The following PLCB4 variants were observed in gnomAD, a reference collection of about 807,000 sequenced individuals.
The protein encoded by PLCB4 is 1-phosphatidylinositol 4,5-bisphosphate phosphodiesterase beta-4.
A neutral mutation model predicts 178.8 loss-of-function variants in PLCB4; 77 were observed. That is an observed-to-expected ratio of 0.43 (90% CI 0.36 to 0.52). The LOEUF (loss-of-function observed/expected upper bound fraction) is 0.52, where lower values mean the gene tolerates loss of function less well. Among genes scored for constraint, PLCB4 ranks in the 20% least tolerant of loss-of-function variants. PLCB4 has a pLI of 0.00. For missense variants in PLCB4, 1,024 were observed against 1,453.4 expected, an observed-to-expected ratio of 0.70 and a Z score of 4.80; for synonymous variants, 496 against 490.8, an observed-to-expected ratio of 1.01 and a Z score of -0.14.
intron 22 of PLCB4, 86 bp from the exon 23 acceptor site, chr20:9,408,547 G>C: frequency 1.5e-6 from 1 of 671,778 alleles, no homozygotes; most frequent in Non-Finnish European, 2.8e-6. Flanking sequence ...TCATGATTCA[G>C]GGTGTAATTG....
chr20:9,169,705 C>T (rs1600863156), intron 2 of PLCB4, among the ~76,000 whole-genome samples: 1 of 152,106 alleles, frequency 6.6e-6, no homozygotes, highest in South Asian at 2.1e-4. Context: ...GTGTGATACT[C>T]CAAATTCTTC....
intron 2 of PLCB4, among the ~76,000 whole-genome samples, chr20:9,162,143 A>G (rs2092899077): frequency 6.6e-6 from 1 of 152,328 alleles, no homozygotes; most frequent in Middle Eastern, 3.4e-3. Context: ...GTTTATTAGA[A>G]TGTCATACCC....
At chr20:9,300,835 GC>G (rs1389466317) in intron 3 of PLCB4, among the ~76,000 whole-genome samples, 4 of 152,022 alleles carry the variant, frequency 2.6e-5, no homozygotes, top group African/African-American at 7.2e-5. Context: ...GCTTCAGGGG[GC>G]CCAATATATG....
intron 25 of PLCB4, 52 bp downstream of exon 25, chr20:9,411,140 C>A: frequency 1.7e-6 from 2 of 1,205,270 alleles, no homozygotes; most frequent in Non-Finnish European, 2.5e-6. Context: ...CTCCATACTA[C>A]AGCTCTAATG....
At chr20:9,450,585 C>T (rs1287070224) in intron 32 of PLCB4, among the ~76,000 whole-genome samples, 2 of 151,540 alleles carry the variant, frequency 1.3e-5, no homozygotes, top group African/African-American at 2.4e-5. Context: ...GTTTAGTAAC[C>T]TTGCATCTCA....
At chr20:9,119,608 T>C (rs753960278) in intron 2 of PLCB4, among the ~76,000 whole-genome samples, 1 of 152,108 alleles carries the variant, frequency 6.6e-6, no homozygotes, top group Admixed American at 6.5e-5. Flanking sequence ...AATCATTTGA[T>C]CAACATCTAT....
At chr20:9,170,143 C>T (rs1443040102) in intron 2 of PLCB4, among the ~76,000 whole-genome samples, 1 of 152,118 alleles carries the variant, frequency 6.6e-6, no homozygotes, top group Admixed American at 6.5e-5. Flanking sequence ...CCAACCTTTA[C>T]GTTCTTTTTT....
intron 2 of PLCB4, among the ~76,000 whole-genome samples, chr20:9,151,303 G>GT (rs1346829104): frequency 6.6e-6 from 1 of 152,098 alleles, no homozygotes; most frequent in Non-Finnish European, 1.5e-5. Flanking sequence ...GTGAGTTTTG[G>GT]TACCTGTGGG....
At chr20:9,096,912 A>G (rs768239072) in intron 2 of PLCB4, among the ~76,000 whole-genome samples, 3 of 151,838 alleles carry the variant, frequency 2.0e-5, no homozygotes, top group Admixed American at 6.6e-5. Flanking sequence ...AACTCATACT[A>G]GCTTAGGAGC....
At chr20:9,407,647 G>C (rs2148497106) in intron 21 of PLCB4, among the ~76,000 whole-genome samples, 1 of 152,260 alleles carries the variant, frequency 6.6e-6, no homozygotes, top group Admixed American at 6.5e-5. Flanking sequence ...TTCCCGGCCA[G>C]TAATTTCTTG....
chr20:9,308,654 G>T (rs2094797498), intron 4 of PLCB4, among the ~76,000 whole-genome samples: 1 of 152,156 alleles, frequency 6.6e-6, no homozygotes, highest in African/African-American at 2.4e-5. Flanking sequence ...GTATGAAGTG[G>T]CTAATTCGCT....
At chr20:9,429,752 T>C (rs2041267491) in intron 28 of PLCB4, among the ~76,000 whole-genome samples, 1 of 152,208 alleles carries the variant, frequency 6.6e-6, no homozygotes, top group South Asian at 2.1e-4. Context: ...CTCTGGCCAG[T>C]GGAGAAACTG....
chr20:9,261,659 T>G (rs2094299041), intron 3 of PLCB4, among the ~76,000 whole-genome samples: 1 of 152,186 alleles, frequency 6.6e-6, no homozygotes, highest in Non-Finnish European at 1.5e-5. Flanking sequence ...GAGTATGTAA[T>G]TGATTTCATA....
At chr20:9,317,618 G>A (rs1382521771) in intron 4 of PLCB4, among the ~76,000 whole-genome samples, 3 of 152,128 alleles carry the variant, frequency 2.0e-5, no homozygotes, top group Admixed American at 1.3e-4. Context: ...AAAAATGTGA[G>A]ATGCATCCAT....
intron 25 of PLCB4, among the ~76,000 whole-genome samples, chr20:9,413,984 T>C (rs998745335): frequency 3.3e-5 from 5 of 152,180 alleles, no homozygotes; most frequent in African/African-American, 1.2e-4. Context: ...ACTCTTGAGC[T>C]CAGGCAATCT....
intron 23 of PLCB4, 92 bp downstream of exon 23, chr20:9,408,809 G>T: frequency 1.3e-6 from 1 of 741,480 alleles, no homozygotes; most frequent in Non-Finnish European, 2.4e-6. Context: ...TCTCATTCTG[G>T]TGGTGGAGTT....
At chr20:9,405,129 C>T (rs186351979) in intron 20 of PLCB4, among the ~76,000 whole-genome samples, 184 bp from the exon 21 acceptor site, 1 of 151,634 alleles carries the variant, frequency 6.6e-6, no homozygotes, top group East Asian at 2.0e-4. Flanking sequence ...TAAGATTAGC[C>T]CTTCTGGTGC....
At chr20:9,396,132 C>A (rs1332505851) in intron 19 of PLCB4, among the ~76,000 whole-genome samples, 4 of 152,180 alleles carry the variant, frequency 2.6e-5, no homozygotes, top group African/African-American at 4.8e-5. Flanking sequence ...GCCTTGTCAT[C>A]TCCCTTCCTA....
chr20:9,189,793 G>T (rs1275377444), intron 2 of PLCB4, among the ~76,000 whole-genome samples: 1 of 152,070 alleles, frequency 6.6e-6, no homozygotes, highest in Non-Finnish European at 1.5e-5. Flanking sequence ...AGGGCAAAAG[G>T]ACCTGGCTAG....
Sources: allele counts gnomAD v4.1 joint callset (sites outside exome capture counted in the v4.1 genomes callset), GRCh38; gene constraint gnomAD v4.1.1; transcripts MANE v1.5; gene names NCBI Gene and HGNC (gene_info 2026-07-23, HGNC 2026-07-21).